Variants in ZNF444 observed in about 807,000 individuals in gnomAD.
The protein encoded by ZNF444 is endothelial zinc finger protein 2.
ZNF444 carries 8 observed loss-of-function variants against 14.4 expected under a neutral mutation model. That is an observed-to-expected ratio of 0.56 (90% CI 0.33 to 1.00). The LOEUF (loss-of-function observed/expected upper bound fraction) is 1.00. Among genes scored for constraint, ZNF444 ranks in the 50% least tolerant of loss-of-function variants. The pLI is 0.03. For missense variants in ZNF444, 510 were observed against 504.8 expected, an observed-to-expected ratio of 1.01 and a Z score of -0.10; for synonymous variants, 258 against 235.9, an observed-to-expected ratio of 1.09 and a Z score of -0.86.
chr19:56,159,753 C>A lies in ZNF444; in HGVS notation c.536C>A (p.Thr179Lys). The change falls in exon 5 of 5, where the codon ACG (threonine) becomes AAG (lysine). Residue 179 changes from threonine (T) to lysine (K), a missense_variant. Transcript: ENST00000337080. ...LPAFLAAPGT[T>K]SCPECGKTSL... ...GCCTTCCTAGCGGCCCCGGGCACCACGTCCTGCCCCGAGTGCGGCAAAACG... is the reference window on the plus strand; with the variant it reads ...GCCTTCCTAGCGGCCCCGGGCACCAAGTCCTGCCCCGAGTGCGGCAAAACG... The A allele has an allele frequency of 6.3e-7, 1 of 1,590,134 alleles. No individual in the cohort carries two copies.
chr19:56,134,548 C>G (rs2030568514), intron 1 of ZNF444, among the ~76,000 whole-genome samples: 1 of 152,158 alleles, frequency 6.6e-6, no homozygotes, highest in African/African-American at 2.4e-5. Context: ...TCCAGACTTA[C>G]AGGTGTGGGG....
At chr19:56,137,616 T>C (rs1445609365), upstream of ZNF444, among the ~76,000 whole-genome samples, 1 of 152,182 alleles carries the variant, frequency 6.6e-6, no homozygotes, top group Non-Finnish European at 1.5e-5. Flanking sequence ...GGCTGGAATA[T>C]TCCTCCGGAT....
upstream of ZNF444, among the ~76,000 whole-genome samples, chr19:56,140,062 C>T (rs1416394451): frequency 6.6e-6 from 1 of 152,196 alleles, no homozygotes; most frequent in Non-Finnish European, 1.5e-5. Context: ...GCAAACTGGT[C>T]ACAAAGTTCT....
Position 56,160,193 on chromosome 19 carries a change from T to C in ZNF444, c.976T>C (p.Leu326=). The change falls in exon 5 of 5, where the codon TTG becomes CTG. Residue 326 remains leucine, a synonymous_variant. Transcript: ENST00000337080. ...TGGAGGCCCCTTCCCGCCCTGGCCC[T>C]TGGGTTAGCCGCCTCCCGGCCAGCG... is the stretch of plus-strand genomic sequence containing the variant. ...DGGGPFPPWP[L]G 6.9e-7 allele frequency: 1 copy of C among 1,457,150 alleles called. No homozygotes were observed. The highest frequency in any genetic ancestry group is 9.0e-7 in the Non-Finnish European group (1 of 1,115,004). 90.3% of individuals were successfully genotyped at this position (1,457,150 alleles called of 1,614,324 possible). A position where few individuals can be genotyped will look rare whatever the true frequency, so the allele number is the denominator to read the frequency against.
intron 3 of ZNF444, among the ~76,000 whole-genome samples, chr19:56,148,971 G>A (rs1383325114): frequency 2.6e-5 from 4 of 152,040 alleles, no homozygotes; most frequent in African/African-American, 7.3e-5. Context: ...CGCATTCCTC[G>A]GCTCATGGCC....
intron 1 of ZNF444, among the ~76,000 whole-genome samples, chr19:56,133,685 C>A (rs920348410): frequency 1.5e-4 from 23 of 151,428 alleles, no homozygotes; most frequent in African/African-American, 5.6e-4. Context: ...TGGTGGCGGG[C>A]ACCTGTAGTC....
upstream of ZNF444, among the ~76,000 whole-genome samples, chr19:56,140,208 C>G (rs2030720763): frequency 6.6e-6 from 1 of 152,080 alleles, no homozygotes; most frequent in South Asian, 2.1e-4. Context: ...GTCTTCAGAT[C>G]AGCCGGGGAG....
chr19:56,155,256 A>T (rs1031607888), intron 3 of ZNF444: 1 of 152,340 alleles, frequency 6.6e-6, no homozygotes, highest in Non-Finnish European at 1.5e-5. Flanking sequence ...CCTGCCGTGG[A>T]GTGTGGACGG....
upstream of ZNF444, among the ~76,000 whole-genome samples, chr19:56,139,390 AT>A (rs2030688429): frequency 6.6e-6 from 1 of 152,162 alleles, no homozygotes; most frequent in Non-Finnish European, 1.5e-5. Flanking sequence ...GTGGATGGTG[AT>A]GAAAAAGAGG....
At chr19:56,154,943 G>A (rs2031815315) in intron 3 of ZNF444, 1 of 152,232 alleles carries the variant, frequency 6.6e-6, no homozygotes, top group Non-Finnish European at 1.5e-5. Flanking sequence ...AGACTTCAAA[G>A]CTGGATATGA....
upstream of ZNF444, among the ~76,000 whole-genome samples, chr19:56,138,268 T>C (rs560204833): frequency 5.9e-5 from 9 of 152,216 alleles, no homozygotes; most frequent in Non-Finnish European, 1.2e-4. Flanking sequence ...CCAAGTTAAA[T>C]AAGTCAGTCA....
chr19:56,133,072 G>A (rs2030524747), intron 1 of ZNF444, among the ~76,000 whole-genome samples: 2 of 150,972 alleles, frequency 1.3e-5, no homozygotes, highest in Admixed American at 6.6e-5. Flanking sequence ...CAAGTAGCTG[G>A]GATTACAGGC....
At chr19:56,156,131 A>G (rs908625384) in intron 3 of ZNF444, 2 of 152,294 alleles carry the variant, frequency 1.3e-5, no homozygotes, top group African/African-American at 4.8e-5. Context: ...GAACAGCCAG[A>G]TGGAGAGCCA....
chr19:56,159,939 G>T lies in ZNF444; in HGVS notation c.722G>T (p.Arg241Leu). 1 of 1,499,920 alleles carries T rather than the reference G, an allele frequency of 6.7e-7. No individual in the cohort carries two copies. Among genetic ancestry groups the T allele is most frequent in the Non-Finnish European group, 8.8e-7 (1 of 1,131,138 alleles). The allele number at this position is 1,499,920 out of a possible 1,614,324, so 92.9% of individuals were successfully genotyped here. Residue 241 changes from arginine (R) to leucine (L), a missense_variant, in exon 5 of 5, where the codon CGC becomes CTC. Physicochemically the swap from Arg to Leu is moderately radical, Grantham distance 102 (BLOSUM62 -2). Coordinates refer to ENST00000337080, the MANE Select transcript of ZNF444 (RefSeq NM_018337.4). ...CCCGGCAGCCCCGGGCCCGCGCTGCGCCCTCTGCCCGCCCGTGAGAAGCCC... is the reference window on the plus strand; with the variant it reads ...CCCGGCAGCCCCGGGCCCGCGCTGCTCCCTCTGCCCGCCCGTGAGAAGCCC... ...GSPGSPGPAL[R>L]PLPAREKPHA... is the part of the protein sequence containing the mutation.
rs1440239034 is a variant in ZNF444, at chr19:56,145,415, G to A, written c.-196-832G>A. ...AGTCTGGCCAACCTGGCGAAACCCC[G>A]TCTCTACTAAAAATACAAAAATTAT... On this transcript the variant is annotated intron_variant, in intron 1 of 4. Transcript: ENST00000337080. The surrounding 1 kb of genome is among the most constrained non-coding windows in gnomAD (Gnocchi z 4.3). Among the ~76,000 whole-genome samples the A allele has an allele frequency of 2.0e-5, 3 of 152,074 alleles. No individual in the cohort carries two copies. Among genetic ancestry groups the A allele is most frequent in the Admixed American group, 6.6e-5 (1 of 15,264 alleles).
intron 3 of ZNF444, chr19:56,156,077 A>T (rs1226355001): frequency 6.6e-6 from 1 of 152,200 alleles, no homozygotes; most frequent in Non-Finnish European, 1.5e-5. Flanking sequence ...CCAGGGAAAC[A>T]TGTTTACCGA....
intron 1 of ZNF444, among the ~76,000 whole-genome samples, chr19:56,143,857 A>T (rs1391721886): frequency 6.6e-6 from 1 of 152,006 alleles, no homozygotes; most frequent in Non-Finnish European, 1.5e-5. Context: ...GGAGGGGGTG[A>T]TCTGGGGAGG....
At chr19:56,152,119 G>T (rs1412439391) in intron 3 of ZNF444, among the ~76,000 whole-genome samples, 1 of 152,158 alleles carries the variant, frequency 6.6e-6, no homozygotes, top group Non-Finnish European at 1.5e-5. Flanking sequence ...ATCACCTGAG[G>T]TCAGGAGTTC....
At chr19:56,135,977 G>A (rs549025183) in intron 1 of ZNF444, among the ~76,000 whole-genome samples, 1 of 149,832 alleles carries the variant, frequency 6.7e-6, no homozygotes, top group South Asian at 2.1e-4. Flanking sequence ...AGCCACTTGG[G>A]AGGCTGAGGC....
Sources: allele counts gnomAD v4.1 joint callset (sites outside exome capture counted in the v4.1 genomes callset), GRCh38; gene constraint gnomAD v4.1.1; non-coding constraint Gnocchi (gnomAD v3.1); transcripts MANE v1.5; gene names NCBI Gene and HGNC (gene_info 2026-07-23, HGNC 2026-07-21).